The following TBC1D5 variants were observed in gnomAD, a reference collection of about 807,000 sequenced individuals.
TBC1D5 encodes the protein TBC1 domain family member 5, also known as TBC1 domain family, member 5.
TBC1D5 carries 75 observed loss-of-function variants against 100.3 expected under a neutral mutation model. The observed-to-expected ratio is 0.75, with a 90% CI of 0.62 to 0.91. The LOEUF is 0.91. Among genes scored for constraint, TBC1D5 ranks in the 40% least tolerant of loss-of-function variants. TBC1D5 has a pLI of 0.00. For missense variants in TBC1D5, 910 were observed against 942.4 expected (o/e 0.97, Z 0.45); for synonymous variants, 323 against 325.6 (o/e 0.99, Z 0.09).
chr3:17,614,650 T>C (rs1294983729), intron 2 of TBC1D5, among the ~76,000 whole-genome samples: 2 of 152,230 alleles, frequency 1.3e-5, no homozygotes, highest in Non-Finnish European at 1.5e-5. Context: ...TTGGTAGCGA[T>C]TGTGAATGGG....
intron 8 of TBC1D5, among the ~76,000 whole-genome samples, chr3:17,395,480 T>G (rs2093477501): frequency 6.6e-6 from 1 of 152,120 alleles, no homozygotes; most frequent in Non-Finnish European, 1.5e-5. Flanking sequence ...CAATTCTAAA[T>G]CTGCTGAAAT....
At chr3:17,246,842 A>T (rs1217642671) in intron 16 of TBC1D5, among the ~76,000 whole-genome samples, 1 of 152,194 alleles carries the variant, frequency 6.6e-6, no homozygotes, top group Non-Finnish European at 1.5e-5. Flanking sequence ...AACTCAGCAT[A>T]CCTGTGCTGC....
At chr3:17,455,165 T>TACACAC (rs549322724) in intron 3 of TBC1D5, among the ~76,000 whole-genome samples, 1 of 140,816 alleles carries the variant, frequency 7.1e-6, no homozygotes, top group Non-Finnish European at 1.5e-5. Context: ...AAAAAAAGTA[T>TACACAC]ACACACACAC....
At chr3:17,344,182 A>G (rs1424515832) in intron 13 of TBC1D5, among the ~76,000 whole-genome samples, 1 of 152,138 alleles carries the variant, frequency 6.6e-6, no homozygotes, top group African/African-American at 2.4e-5. Context: ...GTCTCAGCCC[A>G]AAATCTCCTT....
chr3:17,320,389 T>C (rs979772837), intron 13 of TBC1D5, among the ~76,000 whole-genome samples: 1 of 152,208 alleles, frequency 6.6e-6, no homozygotes, highest in African/African-American at 2.4e-5. Context: ...GCAATCTGTA[T>C]TTTAAAAAGC....
chr3:17,486,255 T>A (rs948677850), intron 3 of TBC1D5, among the ~76,000 whole-genome samples: 1 of 152,056 alleles, frequency 6.6e-6, no homozygotes, highest in Non-Finnish European at 1.5e-5. Context: ...GTCAGATGAG[T>A]AGGTTGCGAA....
chr3:17,559,350 A>T (rs2096542754), intron 2 of TBC1D5, among the ~76,000 whole-genome samples: 1 of 152,040 alleles, frequency 6.6e-6, no homozygotes, highest in Non-Finnish European at 1.5e-5. Context: ...CATGTTGGCC[A>T]GGCTGGTCTC....
intron 3 of TBC1D5, among the ~76,000 whole-genome samples, chr3:17,481,203 T>G (rs1266134605): frequency 6.6e-6 from 1 of 152,224 alleles, no homozygotes; most frequent in African/African-American, 2.4e-5. Flanking sequence ...AGAGCCAGCA[T>G]CTGTACCGGC....
intron 3 of TBC1D5, among the ~76,000 whole-genome samples, chr3:17,470,949 C>CTTT (rs1559959441): frequency 6.2e-4 from 95 of 152,214 alleles, no homozygotes; most frequent in African/African-American, 2.2e-3. Context: ...GTGACATGAA[C>CTTT]TTCTGCAAGG....
chr3:17,631,762 T>G (rs2063523839), intron 1 of TBC1D5, among the ~76,000 whole-genome samples: 1 of 152,192 alleles, frequency 6.6e-6, no homozygotes, highest in East Asian at 1.9e-4. Flanking sequence ...CACATCTGTT[T>G]GCAGTGTGAT....
At chr3:17,637,045 G>A (rs1174822153) in intron 1 of TBC1D5, among the ~76,000 whole-genome samples, 13 of 148,340 alleles carry the variant, frequency 8.8e-5, no homozygotes, top group African/African-American at 2.2e-4. Flanking sequence ...TTTTTGAGAC[G>A]GAGTGTCACT....
upstream of TBC1D5, among the ~76,000 whole-genome samples, chr3:17,741,711 G>C (rs2077451224): frequency 6.6e-6 from 1 of 151,442 alleles, no homozygotes; most frequent in Admixed American, 6.6e-5. Flanking sequence ...CAAATTCTAG[G>C]TCACTTGTAG....
intron 2 of TBC1D5, among the ~76,000 whole-genome samples, chr3:17,541,763 T>C (rs868060612): frequency 9.2e-5 from 14 of 152,322 alleles, no homozygotes; most frequent in Non-Finnish European, 1.8e-4. Flanking sequence ...CCATTGTTCC[T>C]GGTCTTAAAG....
At chr3:17,623,040 A>T (rs1409584959) in intron 2 of TBC1D5, among the ~76,000 whole-genome samples, 1 of 152,180 alleles carries the variant, frequency 6.6e-6, no homozygotes, top group Non-Finnish European at 1.5e-5. Context: ...GTGAGTTTCC[A>T]CTTCCTCTCC....
chr3:17,414,884 CAG>C (rs756866986), intron 4 of TBC1D5, among the ~76,000 whole-genome samples: 8 of 151,946 alleles, frequency 5.3e-5, no homozygotes, highest in South Asian at 2.1e-4. Flanking sequence ...TATAAAAAAA[CAG>C]AATGCACAAT....
intron 17 of TBC1D5, among the ~76,000 whole-genome samples, chr3:17,233,307 T>C (rs1187572590): frequency 2.0e-5 from 3 of 152,200 alleles, no homozygotes; most frequent in African/African-American, 4.8e-5. Flanking sequence ...GCACATAAGA[T>C]GTCTATTTTC....
intron 2 of TBC1D5, among the ~76,000 whole-genome samples, chr3:17,525,031 T>C (rs1169852704): frequency 6.6e-6 from 1 of 151,912 alleles, no homozygotes. Context: ...AAATGTAATT[T>C]TGCTGTGTGT....
intron 2 of TBC1D5, among the ~76,000 whole-genome samples, chr3:17,615,432 T>C (rs545846454): frequency 7.2e-5 from 11 of 152,326 alleles, no homozygotes; most frequent in African/African-American, 2.2e-4. Context: ...CTCTTTTCTA[T>C]TGATTGGAAT....
chr3:17,321,296 T>TC (rs949365303), intron 13 of TBC1D5, among the ~76,000 whole-genome samples: 3 of 152,198 alleles, frequency 2.0e-5, no homozygotes, highest in Non-Finnish European at 4.4e-5. Context: ...ACTCCTGGCC[T>TC]CAAGCCTCCC....
Sources: gnomAD v4.1 joint callset for allele counts (sites outside exome capture counted in the v4.1 genomes callset) on GRCh38, gnomAD v4.1.1 for gene constraint, MANE v1.5 for transcripts, NCBI Gene and HGNC (gene_info 2026-07-23, HGNC 2026-07-21) for gene names.